PTPRG: variants seen among roughly 807,000 people sequenced by gnomAD.
The protein encoded by PTPRG is protein tyrosine phosphatase receptor type G.
A neutral mutation model predicts 165.3 loss-of-function variants in PTPRG; 102 were observed. The observed-to-expected ratio is 0.62, with a 90% CI of 0.53 to 0.73. The LOEUF (loss-of-function observed/expected upper bound fraction) is 0.73. Ranked by LOEUF, PTPRG falls within the 30% of genes least tolerant of loss-of-function variation. The pLI is 0.00. For synonymous variants in PTPRG, 675 were observed against 669.5 expected, an observed-to-expected ratio of 1.01 and a Z score of -0.13; for missense variants, 1,866 against 1,861.4, an observed-to-expected ratio of 1.00 and a Z score of -0.05.
At chr3:62,161,439 AT>A (rs1704757199) in intron 7 of PTPRG, among the ~76,000 whole-genome samples, 1 of 152,240 alleles carries the variant, frequency 6.6e-6, no homozygotes, top group Non-Finnish European at 1.5e-5. Context: ...GGCTAGCCAT[AT>A]TTCTAATGGA....
chr3:62,292,672 A>C lies in PTPRG; in HGVS notation c.4191+116A>C, dbSNP rs144703613. 9.1e-3 allele frequency: 11,243 copies of C among 1,235,288 alleles called. 75 individuals carry two copies. The highest frequency in any genetic ancestry group is 0.01 in the Non-Finnish European group (9,244 of 890,874). The allele number at this position is 1,235,288 out of a possible 1,614,324, so 76.5% of individuals were successfully genotyped here. A position where few individuals can be genotyped will look rare whatever the true frequency, so the allele number is the denominator to read the frequency against. On this transcript the variant is annotated intron_variant, in intron 29 of 29. Coordinates refer to ENST00000474889, the MANE Select transcript of PTPRG (RefSeq NM_002841.4). ...TTTGCCCCCCAGGGGACATTTGGCC[A>C]TGTCTGGAGACTTTTTTGCTTGTCA...
In PTPRG at chr3:61,811,397, T is replaced by C. The variant is rs1407947493; in HGVS notation, c.190+62415T>C. Among the ~76,000 whole-genome samples, 3 of 152,216 alleles carry C rather than the reference T, an allele frequency of 2.0e-5. No individual in the cohort carries two copies. In the East Asian group the frequency reaches 5.8e-4, roughly 29 times the overall value. On this transcript the variant is annotated intron_variant, in intron 2 of 29. Transcript: ENST00000474889. ...CTGTTGTTCAATACCAAAATCCTTT[T>C]TTCCCCTCTTGCTTTTGGTCCCACA...
chr3:62,195,849 A>G lies in PTPRG; in HGVS notation c.1327+679A>G, dbSNP rs183597939. On this transcript the variant is annotated intron_variant, in intron 10 of 29. Transcript: ENST00000474889. This position sits in a 1 kb window ranked among gnomAD's most constrained non-coding sequence, Gnocchi z 4.4. Reference sequence around the variant, plus strand: ...CGCTCTGTTGCCCAAGCTGGAGTGCAGTGGGGTGGTGTTGGCTCACTGCAA... The same window carrying G: ...CGCTCTGTTGCCCAAGCTGGAGTGCGGTGGGGTGGTGTTGGCTCACTGCAA... Among the ~76,000 whole-genome samples the G allele has an allele frequency of 4.6e-5, 7 of 152,226 alleles. No individual in the cohort carries two copies. In the East Asian group the frequency reaches 1.4e-3, roughly 30 times the overall value.
At chr3:62,211,482 G>T (rs1700356820) in intron 12 of PTPRG, among the ~76,000 whole-genome samples, 1 of 152,140 alleles carries the variant, frequency 6.6e-6, no homozygotes, top group Admixed American at 6.5e-5. Context: ...CTTAGAAATG[G>T]TTAAGATGGT....
At chr3:62,158,506 G>C (rs1704624746) in intron 7 of PTPRG, among the ~76,000 whole-genome samples, 1 of 152,120 alleles carries the variant, frequency 6.6e-6, no homozygotes, top group Non-Finnish European at 1.5e-5. Flanking sequence ...CCAGTAGGTG[G>C]GTCTGAATAG....
intron 2 of PTPRG, among the ~76,000 whole-genome samples, chr3:61,918,049 G>A (rs533259691): frequency 1.6e-4 from 25 of 152,292 alleles, no homozygotes; most frequent in Non-Finnish European, 3.4e-4. Context: ...TAAAACAGAA[G>A]TTAGAAGAAG....
At chr3:61,955,117 A>T (rs1371859611) in intron 2 of PTPRG, among the ~76,000 whole-genome samples, 1 of 152,168 alleles carries the variant, frequency 6.6e-6, no homozygotes, top group Non-Finnish European at 1.5e-5. Context: ...TGAAAACATG[A>T]TGGATAAGAA....
At chr3:61,753,365 A>G (rs966930310) in intron 2 of PTPRG, among the ~76,000 whole-genome samples, 3 of 152,168 alleles carry the variant, frequency 2.0e-5, no homozygotes, top group Admixed American at 2.0e-4. Flanking sequence ...ATAGTATCTC[A>G]TTGGAAATAA....
chr3:62,078,938 G>T (rs1701481439), intron 5 of PTPRG, among the ~76,000 whole-genome samples: 1 of 152,158 alleles, frequency 6.6e-6, no homozygotes. Flanking sequence ...GGAGACCTTG[G>T]TGCTTTTTAG....
At chr3:61,744,798 G>GCCTT (rs1277094911) in intron 1 of PTPRG, among the ~76,000 whole-genome samples, 1 of 150,214 alleles carries the variant, frequency 6.7e-6, no homozygotes, top group African/African-American at 2.4e-5. Flanking sequence ...CTGAACAATT[G>GCCTT]CCTTCCTAAA....
intron 1 of PTPRG, among the ~76,000 whole-genome samples, chr3:61,727,516 A>G (rs2032317122): frequency 6.6e-6 from 1 of 152,232 alleles, no homozygotes. Context: ...AACGCAAATC[A>G]TTAATAAGGC....
chr3:61,767,971 C>CAAA (rs35466366), intron 2 of PTPRG, among the ~76,000 whole-genome samples: 33 of 103,834 alleles, frequency 3.2e-4, no homozygotes, highest in South Asian at 1.0e-3. Flanking sequence ...GACCCTGTCT[C>CAAA]AAAAAAAAAA....
intron 12 of PTPRG, among the ~76,000 whole-genome samples, chr3:62,207,197 A>G (rs528132260): frequency 9.2e-5 from 14 of 152,350 alleles, no homozygotes; most frequent in African/African-American, 3.1e-4. Flanking sequence ...GCCTTGTAGC[A>G]CAAAAGCCAC....
chr3:62,084,093 T>A (rs555608743), intron 5 of PTPRG, among the ~76,000 whole-genome samples: 1 of 152,220 alleles, frequency 6.6e-6, no homozygotes, highest in Non-Finnish European at 1.5e-5. Context: ...ACGTTTCTTA[T>A]GTGACATTGT....
At chr3:61,850,436 C>T (rs2036933555) in intron 2 of PTPRG, among the ~76,000 whole-genome samples, 1 of 152,212 alleles carries the variant, frequency 6.6e-6, no homozygotes, top group African/African-American at 2.4e-5. Flanking sequence ...GCTGGGATTA[C>T]AGGCGTGAGC....
At chr3:62,135,549 A>G (rs1703676805) in intron 6 of PTPRG, among the ~76,000 whole-genome samples, 1 of 152,170 alleles carries the variant, frequency 6.6e-6, no homozygotes, top group Admixed American at 6.5e-5. Context: ...TTAAACAAGA[A>G]GCATCTTAAA....
rs574040833 is a variant in PTPRG at position 61,787,536 on chromosome 3, A to C, written c.190+38554A>C. Among the ~76,000 whole-genome samples, 3 of 152,310 alleles carry C rather than the reference A, an allele frequency of 2.0e-5. No individual in the cohort carries two copies. In the South Asian group the frequency reaches 6.2e-4, roughly 32 times the overall value. On this transcript the variant is annotated intron_variant, in intron 2 of 29. Transcript: ENST00000474889. ...CTTTTCAGTGATCTGTGAAGTAAAGAGCCCCTAAGTAATGCGGGACAGTAC... is the reference window on the plus strand; with the variant it reads ...CTTTTCAGTGATCTGTGAAGTAAAGCGCCCCTAAGTAATGCGGGACAGTAC...
At chr3:62,108,917 C>A (rs1482812844) in intron 5 of PTPRG, among the ~76,000 whole-genome samples, 1 of 151,868 alleles carries the variant, frequency 6.6e-6, no homozygotes, top group Admixed American at 6.6e-5. Flanking sequence ...TGTTTAATTT[C>A]TTTGTAGATT....
intron 1 of PTPRG, among the ~76,000 whole-genome samples, chr3:61,616,820 C>T (rs1701310925): frequency 6.6e-6 from 1 of 152,164 alleles, no homozygotes; most frequent in Admixed American, 6.5e-5. Context: ...TCTGCCCCAC[C>T]CCAGCTCTGC....
Sources: allele counts gnomAD v4.1 joint callset (sites outside exome capture counted in the v4.1 genomes callset), GRCh38; gene constraint gnomAD v4.1.1; non-coding constraint Gnocchi (gnomAD v3.1); transcripts MANE v1.5; gene names NCBI Gene and HGNC (gene_info 2026-07-23, HGNC 2026-07-21).